Variants in CORO2A observed in about 807,000 individuals in gnomAD.
CORO2A encodes coronin 2A.
CORO2A carries 47 observed loss-of-function variants against 62.4 expected under a neutral mutation model. The ratio of observed to expected loss-of-function variants is 0.75; its 90% CI spans 0.60 to 0.96. CORO2A has a LOEUF of 0.96. CORO2A is among the 40% of genes least tolerant of loss of function. The probability of loss-of-function intolerance (pLI) is 0.00; values close to 1 mark genes in which losing one functional copy is unlikely to be tolerated. For missense variants in CORO2A, 610 were observed against 684.1 expected (o/e 0.89, Z 1.21); for synonymous variants, 273 against 268.9 (o/e 1.02, Z -0.15).
rs1269742667 is a variant in CORO2A, at chr9:98,166,153, C to G, written c.1-8493G>C. 2.6e-5 allele frequency among the ~76,000 whole-genome samples: 4 copies of G among 152,214 alleles called. No homozygotes were observed. In the East Asian group the frequency reaches 5.8e-4, roughly 22 times the overall value. ...AAACATGTTAACAGCCACACAGATA[C>G]AATCAGGAAAAAAACACAGGACATC... On this transcript the variant is annotated intron_variant, in intron 1 of 11. Transcript: ENST00000375077.
rs71369555 is a variant in CORO2A, at chr9:98,154,352, T to TATATATATATATATATATATATACAC, written c.201+3107_201+3108insGTGTATATATATATATATATATATAT. Among the ~76,000 whole-genome samples the TATATATATATATATATATATATACAC allele has an allele frequency of 8.0e-4, 75 of 93,970 alleles. 2 individuals are homozygous for TATATATATATATATATATATATACAC. Among genetic ancestry groups the TATATATATATATATATATATATACAC allele is most frequent in the African/African-American group, 2.1e-3 (57 of 26,734 alleles). The allele number at this position is 93,970 out of a possible 152,430, so 61.6% of individuals were successfully genotyped here. On this transcript the variant is annotated intron_variant, in intron 2 of 11. Transcript: ENST00000375077. ...GTGTATATATATATATATATATATA[T>TATATATATATATATATATATATACAC]ACACAAATACATATATATATATATT... is the stretch of plus-strand genomic sequence containing the variant.
chr9:98,145,081 T>A (rs1827624511), intron 2 of CORO2A, among the ~76,000 whole-genome samples: 1 of 152,158 alleles, frequency 6.6e-6, no homozygotes, highest in Admixed American at 6.5e-5. Context: ...GCATCCTTCA[T>A]CACCCCTCTC....
intron 2 of CORO2A, among the ~76,000 whole-genome samples, chr9:98,153,799 T>C (rs1252491171): frequency 6.6e-6 from 1 of 152,102 alleles, no homozygotes; most frequent in Non-Finnish European, 1.5e-5. Context: ...GGCTTGAAAT[T>C]GCTTCAAGAT....
chr9:98,127,856 G>A (rs1362668509), intron 10 of CORO2A, among the ~76,000 whole-genome samples: 1 of 150,942 alleles, frequency 6.6e-6, no homozygotes, highest in African/African-American at 2.4e-5. Flanking sequence ...GAATTGCAGA[G>A]GTAGGGGTGG....
intron 3 of CORO2A, among the ~76,000 whole-genome samples, chr9:98,135,399 G>A (rs1296100822): frequency 1.3e-5 from 2 of 152,172 alleles, no homozygotes; most frequent in Non-Finnish European, 2.9e-5. Flanking sequence ...CTAGGGAGCC[G>A]GCGAGGTCTC....
At chr9:98,186,421 T>A (rs1588017678) in intron 1 of CORO2A, among the ~76,000 whole-genome samples, 1 of 152,114 alleles carries the variant, frequency 6.6e-6, no homozygotes, top group South Asian at 2.1e-4. Context: ...GAATGTATGA[T>A]CCTGGGCTAG....
chr9:98,135,639 G>A (rs1022283179), intron 3 of CORO2A, among the ~76,000 whole-genome samples: 2 of 152,174 alleles, frequency 1.3e-5, no homozygotes, highest in Admixed American at 6.6e-5. Context: ...TACAAATGGA[G>A]TACAAGGTGA....
chr9:98,132,907 C>G, intron 5 of CORO2A, 131 bp downstream of exon 5: 1 of 1,025,270 alleles, frequency 9.8e-7, no homozygotes, highest in East Asian at 2.5e-5. Flanking sequence ...AGAGGACAGA[C>G]AGGGATGCTG....
intron 1 of CORO2A, among the ~76,000 whole-genome samples, chr9:98,162,716 T>G (rs1343083183): frequency 6.6e-6 from 1 of 152,244 alleles, no homozygotes; most frequent in Non-Finnish European, 1.5e-5. Flanking sequence ...TTTGTGGGTG[T>G]GCATGCACGT....
Position 98,129,285 on chromosome 9 carries a change from C to T in CORO2A, c.967+509G>A, listed in dbSNP as rs1229402184. Among the ~76,000 whole-genome samples, 4 of 152,182 alleles carry T rather than the reference C, an allele frequency of 2.6e-5. No homozygotes were observed. In the East Asian group the frequency reaches 7.7e-4, roughly 29 times the overall value. ...GTGACCCAAATGCTCTTAATCAAAC[C>T]GCTCCAGATTCCTTTTGAGTAGGGT... On this transcript the variant is annotated intron_variant, in intron 8 of 11. Coordinates refer to ENST00000375077, the MANE Select transcript of CORO2A (RefSeq NM_052820.4).
Position 98,137,590 on chromosome 9 carries a change from G to A in CORO2A, c.300C>T (p.Ser100=). 6.2e-7 allele frequency: 1 copy of A among 1,614,142 alleles called. No individual in the cohort carries two copies. Among genetic ancestry groups the A allele is most frequent in the South Asian group, 1.1e-5 (1 of 91,076 alleles). Residue 100 remains serine, a synonymous_variant, in exon 3 of 12, where the codon TCC becomes TCT. Coordinates refer to ENST00000375077, the MANE Select transcript of CORO2A (RefSeq NM_052820.4). ...CACTCACTGTGGCATCTTCAGAACAGGAGGCGATCTCAAAATCATCAAAAG... is the reference window on the plus strand; with the variant it reads ...CACTCACTGTGGCATCTTCAGAACAAGAGGCGATCTCAAAATCATCAAAAG... ...WNPFDDFEIA[S]CSEDATIKIW...
chr9:98,171,252 A>G (rs1184019980), intron 1 of CORO2A, among the ~76,000 whole-genome samples: 1 of 152,208 alleles, frequency 6.6e-6, no homozygotes, highest in Non-Finnish European at 1.5e-5. Context: ...AGCGTCCCAC[A>G]GTCAGCCCGA....
intron 2 of CORO2A, among the ~76,000 whole-genome samples, chr9:98,143,276 G>A (rs917891090): frequency 1.3e-5 from 2 of 152,196 alleles, no homozygotes; most frequent in East Asian, 1.9e-4. Flanking sequence ...GACTCTCTAC[G>A]GCTGACCTCC....
chr9:98,168,692 A>C (rs376126684), intron 1 of CORO2A, among the ~76,000 whole-genome samples: 3 of 152,378 alleles, frequency 2.0e-5, no homozygotes, highest in South Asian at 4.1e-4. Flanking sequence ...TTGTGGTCCC[A>C]ATGTGTACAA....
intron 1 of CORO2A, among the ~76,000 whole-genome samples, chr9:98,159,397 G>C (rs1244587433): frequency 6.6e-6 from 1 of 152,082 alleles, no homozygotes; most frequent in Non-Finnish European, 1.5e-5. Flanking sequence ...ACAGGATCAA[G>C]GCCAAATCCT....
chr9:98,138,301 G>A (rs1396216331), intron 2 of CORO2A, among the ~76,000 whole-genome samples: 2 of 151,884 alleles, frequency 1.3e-5, no homozygotes, highest in South Asian at 2.1e-4. Flanking sequence ...TGTAATCCCA[G>A]CTACTCAGGA....
intron 5 of CORO2A, among the ~76,000 whole-genome samples, 157 bp downstream of exon 5, chr9:98,132,881 C>A (rs1414194610): frequency 2.0e-5 from 3 of 152,248 alleles, no homozygotes; most frequent in Non-Finnish European, 4.4e-5. Context: ...ACATATCCCA[C>A]CTTCCAGCAA....
intron 6 of CORO2A, 75 bp from the exon 7 acceptor site, chr9:98,131,134 T>C: frequency 2.1e-6 from 2 of 971,044 alleles, no homozygotes; most frequent in Non-Finnish European, 3.2e-6. Context: ...GAGATAAGAA[T>C]TGCTGCCATG....
chr9:98,177,070 G>A (rs1564218207), intron 1 of CORO2A, among the ~76,000 whole-genome samples: 1 of 152,180 alleles, frequency 6.6e-6, no homozygotes, highest in South Asian at 2.1e-4. Context: ...GAGCTCAAGG[G>A]TCATTGGCCT....
Sources: gnomAD v4.1 joint callset for allele counts (sites outside exome capture counted in the v4.1 genomes callset) on GRCh38, gnomAD v4.1.1 for gene constraint, MANE v1.5 for transcripts, NCBI Gene and HGNC (gene_info 2026-07-23, HGNC 2026-07-21) for gene names.